Variants in MMP26 observed in about 807,000 individuals in gnomAD.
MMP26 encodes matrix metallopeptidase 26.
MMP26 carries 33 observed loss-of-function variants against 31.0 expected under a neutral mutation model. The ratio of observed to expected loss-of-function variants is 1.06; its 90% CI spans 0.81 to 1.42. MMP26 has a LOEUF of 1.42. Among genes scored for constraint, MMP26 ranks in the 40% most tolerant of loss-of-function variants. The probability of loss-of-function intolerance (pLI) is 0.00; values close to 1 mark genes in which losing one functional copy is unlikely to be tolerated. For missense variants in MMP26, 347 were observed against 316.1 expected (o/e 1.10, Z -0.74); for synonymous variants, 122 against 114.9 (o/e 1.06, Z -0.40).
chr11:4,843,187 T>C (rs1849820147), intron 2 of MMP26, among the ~76,000 whole-genome samples: 1 of 152,212 alleles, frequency 6.6e-6, no homozygotes, highest in South Asian at 2.1e-4. Flanking sequence ...TATCGGTGGA[T>C]CTGCCATTCT....
Position 4,953,243 on chromosome 11 carries a change from C to G in MMP26, c.-144-34825C>G. 1.6e-5 allele frequency among the ~76,000 whole-genome samples: 2 copies of G among 124,986 alleles called. 1 individual carries two copies. Among genetic ancestry groups the G allele is most frequent in the Non-Finnish European group, 3.6e-5 (2 of 55,326 alleles). The allele number at this position is 124,986 out of a possible 152,430, so 82.0% of individuals were successfully genotyped here. A position where few individuals can be genotyped will look rare whatever the true frequency, so the allele number is the denominator to read the frequency against. ...AAATATTACTAAACTCTTCAGAGAG[C>G]AAGTTTTTCTACAAACATGGTCTTA... On this transcript the variant is annotated intron_variant, in intron 2 of 7. Coordinates refer to ENST00000380390, the MANE Select transcript of MMP26 (RefSeq NM_021801.5).
At chr11:4,964,215 G>A (rs981350969) in intron 2 of MMP26, among the ~76,000 whole-genome samples, 2 of 152,046 alleles carry the variant, frequency 1.3e-5, no homozygotes, top group South Asian at 4.1e-4. Flanking sequence ...TATTGCCTAG[G>A]TTTTCTTCTA....
chr11:4,848,651 A>G, intron 2 of MMP26: 1 of 1,613,444 alleles, frequency 6.2e-7, no homozygotes. Flanking sequence ...GATGCAAGCA[A>G]TAAGAATGGG....
At chr11:4,845,515 C>A (rs996629790) in intron 2 of MMP26, among the ~76,000 whole-genome samples, 12 of 152,082 alleles carry the variant, frequency 7.9e-5, no homozygotes, top group African/African-American at 2.9e-4. Flanking sequence ...TGGGGAAATT[C>A]TCCAGGACAT....
rs768489751 is a variant in MMP26 at position 4,804,424 on chromosome 11, TGCA to T, written c.-145+37085_-145+37087del. On this transcript the variant is annotated intron_variant, in intron 2 of 7. Coordinates refer to ENST00000380390, the MANE Select transcript of MMP26 (RefSeq NM_021801.5). Reference sequence around the variant, plus strand: ...TCTGCTGGGAACGCAATCTACTCTCTGCAGATGATAACAATCAAAACAAGTGTT... The same window carrying T: ...TCTGCTGGGAACGCAATCTACTCTCTGATGATAACAATCAAAACAAGTGTT... 1.4e-5 allele frequency: 20 copies of T among 1,406,488 alleles called. No individual in the cohort carries two copies. In the South Asian group the frequency reaches 2.3e-4, roughly 16 times the overall value. 87.1% of individuals were successfully genotyped at this position (1,406,488 alleles called of 1,614,324 possible).
In MMP26 at chr11:4,822,320, A is replaced by G. The variant is rs146486513; in HGVS notation, c.-145+54979A>G. The G allele has an allele frequency of 4.7e-5, 70 of 1,502,974 alleles. No individual in the cohort carries two copies. The East Asian group carries it at 6.9e-4, about 15-fold the overall frequency. The allele number at this position is 1,502,974 out of a possible 1,614,324, so 93.1% of individuals were successfully genotyped here. On this transcript the variant is annotated intron_variant, in intron 2 of 7. Transcript: ENST00000380390. ...ATTATTTACAGTGTAAAGATTAAGCAGATTCAAAAGGCCATTATCAAGGTC... is the reference window on the plus strand; with the variant it reads ...ATTATTTACAGTGTAAAGATTAAGCGGATTCAAAAGGCCATTATCAAGGTC...
chr11:4,890,155 C>T (rs567888288), intron 2 of MMP26: 29 of 152,422 alleles, frequency 1.9e-4, no homozygotes, highest in African/African-American at 7.0e-4. Flanking sequence ...TTTGGCAACT[C>T]TGGCACTGGT....
chr11:4,722,408 A>G (rs938134912), intron 1 of MMP26, among the ~76,000 whole-genome samples: 1 of 146,916 alleles, frequency 6.8e-6, no homozygotes, highest in African/African-American at 2.5e-5. Context: ...ATACTTTTTG[A>G]GTTTGAAATG....
chr11:4,856,751 C>T lies in MMP26; in HGVS notation c.-145+89410C>T, dbSNP rs545812189. Among the ~76,000 whole-genome samples, 10 of 152,300 alleles carry T rather than the reference C, an allele frequency of 6.6e-5. 1 individual carries two copies. The highest frequency in any genetic ancestry group is 2.4e-4 in the African/African-American group (10 of 41,560). On this transcript the variant is annotated intron_variant, in intron 2 of 7. Transcript: ENST00000380390. ...TAGACATCTACAGAACTCTCCACCC[C>T]AAATCAACAGAATACACATTCTTCT...
At chr11:4,930,304 C>T (rs1415150452) in intron 2 of MMP26, among the ~76,000 whole-genome samples, 1 of 152,018 alleles carries the variant, frequency 6.6e-6, no homozygotes, top group East Asian at 1.9e-4. Flanking sequence ...CATTTGTTGC[C>T]TAGCTATAAA....
At chr11:4,990,802 G>A in intron 5 of MMP26, 56 bp downstream of exon 5, 2 of 1,511,154 alleles carry the variant, frequency 1.3e-6, no homozygotes, top group Admixed American at 2.0e-5. Flanking sequence ...AAGGACAAAG[G>A]GTTTCCATCC....
At chr11:4,861,657 A>G (rs1420171330) in intron 2 of MMP26, among the ~76,000 whole-genome samples, 1 of 152,122 alleles carries the variant, frequency 6.6e-6, no homozygotes, top group African/African-American at 2.4e-5. Flanking sequence ...ATTTTAAGGT[A>G]GGTAGAAGAA....
chr11:4,949,035 G>T lies in MMP26; in HGVS notation c.-144-39033G>T, dbSNP rs888543529. ...TGGCTCAATGTTCATGTGTTCATTG[G>T]CTCAATGTTCAACTTTGTGGACCAA... On this transcript the variant is annotated intron_variant, in intron 2 of 7. Transcript: ENST00000380390. 3.2e-5 allele frequency among the ~76,000 whole-genome samples: 4 copies of T among 124,458 alleles called. 1 individual carries two copies. In the South Asian group the frequency reaches 9.6e-4, roughly 30 times the overall value. 81.6% of individuals were successfully genotyped at this position (124,458 alleles called of 152,430 possible). A position where few individuals can be genotyped will look rare whatever the true frequency, so the allele number is the denominator to read the frequency against.
chr11:4,755,066 G>A (rs187604726), intron 1 of MMP26, among the ~76,000 whole-genome samples: 4 of 151,742 alleles, frequency 2.6e-5, no homozygotes, highest in Admixed American at 6.6e-5. Flanking sequence ...ACCTTTCATC[G>A]GTTGATCACT....
chr11:4,780,999 A>C (rs1433250960), intron 2 of MMP26, among the ~76,000 whole-genome samples: 1 of 152,094 alleles, frequency 6.6e-6, no homozygotes, highest in African/African-American at 2.4e-5. Flanking sequence ...GCTGAATTTC[A>C]AAAGTATCAT....
chr11:4,835,227 C>CACACACACACACACAT, intron 2 of MMP26, among the ~76,000 whole-genome samples: 1 of 151,772 alleles, frequency 6.6e-6, no homozygotes, highest in Non-Finnish European at 1.5e-5. Context: ...CACACACACA[C>CACACACACACACACAT]ACACACATAC....
intron 1 of MMP26, among the ~76,000 whole-genome samples, chr11:4,751,683 AT>A (rs1299808939): frequency 1.3e-5 from 2 of 152,152 alleles, no homozygotes; most frequent in Non-Finnish European, 2.9e-5. Flanking sequence ...TGCATATGAA[AT>A]AAAAATAAAA....
intron 2 of MMP26, chr11:4,822,346 T>C: frequency 6.7e-7 from 1 of 1,493,582 alleles, no homozygotes; most frequent in Non-Finnish European, 8.9e-7. Flanking sequence ...TATCAAGGTC[T>C]TAATTCAGAA....
intron 2 of MMP26, among the ~76,000 whole-genome samples, chr11:4,903,039 T>TTA (rs776458357): frequency 5.3e-5 from 8 of 152,062 alleles, no homozygotes; most frequent in South Asian, 2.1e-4. Flanking sequence ...CTTAAAACAG[T>TTA]TATATATATA....
Sources: gnomAD v4.1 joint callset for allele counts (sites outside exome capture counted in the v4.1 genomes callset) on GRCh38, gnomAD v4.1.1 for gene constraint, MANE v1.5 for transcripts, NCBI Gene and HGNC (gene_info 2026-07-23, HGNC 2026-07-21) for gene names.